Variants in IQGAP2 observed in about 807,000 individuals in gnomAD.
IQGAP2 encodes ras GTPase-activating-like protein IQGAP2.
Under a neutral mutation model 201.3 loss-of-function variants are expected in IQGAP2, and 173 were observed. The observed-to-expected ratio is 0.86, with a 90% CI of 0.76 to 0.98. IQGAP2 has a LOEUF of 0.98. Among genes scored for constraint, IQGAP2 ranks in the 50% least tolerant of loss-of-function variants. The pLI is 0.00. For synonymous variants in IQGAP2, 675 were observed against 673.9 expected (o/e 1.00, Z -0.03); for missense variants, 1,687 against 1,864.8 (o/e 0.90, Z 1.76).
chr5:76,408,364 G>C (rs1480134874), intron 1 of IQGAP2, among the ~76,000 whole-genome samples: 1 of 152,110 alleles, frequency 6.6e-6, no homozygotes, highest in Admixed American at 6.5e-5. Flanking sequence ...TGTTATCATC[G>C]GCTCATTATG....
chr5:76,588,356 C>G (rs959134688), intron 5 of IQGAP2, among the ~76,000 whole-genome samples: 1 of 152,108 alleles, frequency 6.6e-6, no homozygotes, highest in African/African-American at 2.4e-5. Context: ...TAAATACATC[C>G]AATTTATTCT....
chr5:76,590,765 A>C (rs760443894), intron 8 of IQGAP2, among the ~76,000 whole-genome samples, 179 bp downstream of exon 8: 1 of 152,190 alleles, frequency 6.6e-6, no homozygotes, highest in Admixed American at 6.5e-5. Context: ...TAAGGCAATT[A>C]GATTATATCC....
chr5:76,587,791 C>CA lies in IQGAP2; in HGVS notation c.459-1110dup, dbSNP rs369335425. Among the ~76,000 whole-genome samples the CA allele has an allele frequency of 8.2e-3, 1,239 of 151,648 alleles. 26 individuals are homozygous for CA. The highest frequency in any genetic ancestry group is 0.029 in the African/African-American group (1,182 of 41,356). On this transcript the variant is annotated intron_variant, in intron 5 of 35. Coordinates refer to ENST00000274364, the MANE Select transcript of IQGAP2 (RefSeq NM_006633.5). The stretch of plus-strand genomic sequence containing the variant: ...ACCCCGTCTCTACTAAAAAAAAATA[C>CA]AAAAAGTAGACGGGCTCTGTGGCAT...
intron 2 of IQGAP2, chr5:76,547,295 T>G: frequency 5.0e-6 from 1 of 199,068 alleles, no homozygotes; most frequent in Non-Finnish European, 9.0e-6. Context: ...GGATACAGCT[T>G]TTGCCAGTTT....
intron 2 of IQGAP2, among the ~76,000 whole-genome samples, chr5:76,508,325 A>G (rs1757736977): frequency 6.6e-6 from 1 of 152,194 alleles, no homozygotes; most frequent in Non-Finnish European, 1.5e-5. Flanking sequence ...ATCTAAAAAA[A>G]TAAAAAAGAT....
chr5:76,453,044 TAG>T (rs952603387), intron 1 of IQGAP2, among the ~76,000 whole-genome samples: 5 of 151,836 alleles, frequency 3.3e-5, no homozygotes, highest in African/African-American at 1.2e-4. Context: ...GCCTCCTGAG[TAG>T]CTGGGATTAC....
chr5:76,456,154 C>T (rs1754070964), intron 1 of IQGAP2, among the ~76,000 whole-genome samples: 3 of 152,126 alleles, frequency 2.0e-5, no homozygotes, highest in African/African-American at 7.2e-5. Flanking sequence ...ATTTCTTTTG[C>T]CCTTGGTAGG....
At chr5:76,572,420 T>A (rs924289367) in intron 4 of IQGAP2, among the ~76,000 whole-genome samples, 1 of 151,954 alleles carries the variant, frequency 6.6e-6, no homozygotes, top group African/African-American at 2.4e-5. Flanking sequence ...CACCTCAGCC[T>A]CCCAAAGTTC....
chr5:76,454,566 G>C (rs1376617472), intron 1 of IQGAP2, among the ~76,000 whole-genome samples: 1 of 151,698 alleles, frequency 6.6e-6, no homozygotes, highest in African/African-American at 2.4e-5. Flanking sequence ...CCTTGCAATA[G>C]TTTGCTGAGA....
rs374680557 is a variant in IQGAP2 at position 76,655,031 on chromosome 5, A to C, written c.2320+28A>C. ...AAGTGAGAGCTTTCTGAAACAAAGC[A>C]AGGATTTTTTATAAACCAGGCAAGG... On this transcript the variant is annotated intron_variant, in intron 20 of 35. Transcript: ENST00000274364. The C allele has an allele frequency of 1.4e-5, 22 of 1,555,090 alleles. No individual in the cohort carries two copies. The African/African-American group carries it at 2.7e-4, about 19-fold the overall frequency.
chr5:76,543,299 A>G (rs9293687), intron 2 of IQGAP2, among the ~76,000 whole-genome samples: 82,272 of 151,986 alleles, frequency 0.54, 23,033 homozygotes, highest in South Asian at 0.73. Context: ...AAACCTTCGC[A>G]TGACACCCCT....
chr5:76,624,951 G>A (rs1010710566), intron 13 of IQGAP2, among the ~76,000 whole-genome samples: 4 of 152,204 alleles, frequency 2.6e-5, no homozygotes, highest in Non-Finnish European at 4.4e-5. Context: ...GCGGGCGCCT[G>A]TTATCCCAGC....
chr5:76,457,392 C>T (rs1370154357), intron 1 of IQGAP2, among the ~76,000 whole-genome samples: 3 of 152,188 alleles, frequency 2.0e-5, no homozygotes, highest in Admixed American at 1.3e-4. Flanking sequence ...CTCTTGCCAA[C>T]CCTCCCTTCA....
At position 76,535,003 on chromosome 5, in the gene IQGAP2, C is replaced by T. The variant is rs541239599; in HGVS notation, c.147-27393C>T. 6.6e-5 allele frequency among the ~76,000 whole-genome samples: 10 copies of T among 152,194 alleles called. No homozygotes were observed. In the East Asian group the frequency reaches 1.4e-3, roughly 21 times the overall value. ...AGGTGCCAAGGCTATGAAGTTGGAG[C>T]GTGGCATGTTCTAGAAGCAGAAAGA... On this transcript the variant is annotated intron_variant, in intron 2 of 35. Transcript: ENST00000274364.
At position 76,671,864 on chromosome 5, in the gene IQGAP2, A is replaced by G. The variant is rs773352002; in HGVS notation, c.2949A>G (p.Gln983=). The stretch of plus-strand genomic sequence containing the variant: ...CCCGGGGACAGAACACCCTGCGCCA[A>G]CTCCTGGCTCCAGTGGTAAAAGAGA... ...RGARGQNTLR[Q]LLAPVVKEII... The change falls in exon 24 of 36, where the codon CAA becomes CAG. Residue 983 remains glutamine (Q), a synonymous_variant. Coordinates refer to ENST00000274364, the MANE Select transcript of IQGAP2 (RefSeq NM_006633.5). 6.2e-7 allele frequency: 1 copy of G among 1,613,980 alleles called. No homozygotes were observed. The highest frequency in any genetic ancestry group is 2.2e-5 in the East Asian group (1 of 44,860).
At chr5:76,656,355 G>A (rs1232014564) in intron 20 of IQGAP2, among the ~76,000 whole-genome samples, 1 of 151,936 alleles carries the variant, frequency 6.6e-6, no homozygotes, top group African/African-American at 2.4e-5. Context: ...CTAATTTTTT[G>A]TATTTTTAGT....
intron 2 of IQGAP2, among the ~76,000 whole-genome samples, chr5:76,561,338 A>G (rs923025577): frequency 3.9e-5 from 6 of 152,330 alleles, no homozygotes; most frequent in South Asian, 4.1e-4. Context: ...GTTCAGAGCT[A>G]CAAGCAGTTC....
Position 76,698,006 on chromosome 5 carries a change from T to C in IQGAP2, c.4226T>C (p.Ile1409Thr), listed in dbSNP as rs545496602. The change falls in exon 33 of 36, where the codon ATC (isoleucine) becomes ACC (threonine). Residue 1409 changes from isoleucine (I) to threonine (T), a missense_variant. Ile to Thr is a moderately conservative substitution (Grantham distance 89). Transcript: ENST00000274364. ...TTTTAGGATATTCGAAATCAAAGAATCTATCGTAAGCTTCGAAAAGCTGAA... is the reference window on the plus strand; with the variant it reads ...TTTTAGGATATTCGAAATCAAAGAACCTATCGTAAGCTTCGAAAAGCTGAA... ...EIAKDIRNQRIYRKLRKAELA... is the reference protein window; with the variant it reads ...EIAKDIRNQRTYRKLRKAELA... The C allele has an allele frequency of 1.2e-6, 2 of 1,611,698 alleles. No individual in the cohort carries two copies. The highest frequency in any genetic ancestry group is 1.7e-6 in the Non-Finnish European group (2 of 1,179,116).
At chr5:76,617,332 A>G (rs530516675) in intron 13 of IQGAP2, 1 of 368,174 alleles carries the variant, frequency 2.7e-6, no homozygotes, top group East Asian at 4.8e-5. Flanking sequence ...AATCCCAGCT[A>G]CTTGGGAGGC....
Sources: gnomAD v4.1 joint callset for allele counts (sites outside exome capture counted in the v4.1 genomes callset) on GRCh38, gnomAD v4.1.1 for gene constraint, MANE v1.5 for transcripts, NCBI Gene and HGNC (gene_info 2026-07-23, HGNC 2026-07-21) for gene names.